Variants in AIG1 observed in about 807,000 individuals in gnomAD.
AIG1 encodes the protein androgen-induced gene 1 protein.
AIG1 carries 23 observed loss-of-function variants against 31.4 expected under a neutral mutation model. The ratio of observed to expected loss-of-function variants is 0.73; its 90% CI spans 0.53 to 1.04. The LOEUF (loss-of-function observed/expected upper bound fraction) is 1.04. Ranked by LOEUF, AIG1 falls within the 50% of genes least tolerant of loss-of-function variation. The pLI is 0.00. For synonymous variants in AIG1, 100 were observed against 110.5 expected, an observed-to-expected ratio of 0.90 and a Z score of 0.60; for missense variants, 274 against 295.0, an observed-to-expected ratio of 0.93 and a Z score of 0.52.
intron 4 of AIG1, among the ~76,000 whole-genome samples, chr6:143,304,167 A>G (rs1336197012): frequency 2.0e-5 from 3 of 151,868 alleles, no homozygotes; most frequent in African/African-American, 4.8e-5. Context: ...CATGTCATCT[A>G]CAAACAGGGA....
Position 143,230,779 on chromosome 6 carries a change from C to G in AIG1, c.400-53331C>G, listed in dbSNP as rs79352232. Among the ~76,000 whole-genome samples, 644 of 152,130 alleles carry G rather than the reference C, an allele frequency of 4.2e-3. 16 individuals are homozygous for G. Among genetic ancestry groups the G allele is most frequent in the East Asian group, 0.022 (114 of 5,178 alleles). Reference sequence around the variant, plus strand: ...TAAGTTGTTCTTAGATATAGGAAAGCTCACGAAGACAGTAAGAGAATAACT... The same window carrying G: ...TAAGTTGTTCTTAGATATAGGAAAGGTCACGAAGACAGTAAGAGAATAACT... On this transcript the variant is annotated intron_variant, in intron 3 of 5. Transcript: ENST00000357847.
At chr6:143,332,744 G>C (rs1445088877) in intron 4 of AIG1, among the ~76,000 whole-genome samples, 2 of 152,180 alleles carry the variant, frequency 1.3e-5, no homozygotes, top group African/African-American at 2.4e-5. Flanking sequence ...TGTTAATAAA[G>C]TCAGCCATTT....
At chr6:143,219,763 T>G (rs1792325263) in intron 3 of AIG1, among the ~76,000 whole-genome samples, 1 of 152,030 alleles carries the variant, frequency 6.6e-6, no homozygotes, top group African/African-American at 2.4e-5. Context: ...TACTCTCCCA[T>G]GGTTAAAATA....
chr6:143,071,308 C>T (rs1308780983), intron 1 of AIG1, among the ~76,000 whole-genome samples: 1 of 152,184 alleles, frequency 6.6e-6, no homozygotes, highest in Non-Finnish European at 1.5e-5. Context: ...ACATAGTATG[C>T]ATACACCACA....
In AIG1 at chr6:143,331,727, C is replaced by G. The variant is rs1370712121; in HGVS notation, c.516-1555C>G. 6.6e-6 allele frequency among the ~76,000 whole-genome samples: 1 copy of G among 151,786 alleles called. No homozygotes were observed. The highest frequency in any genetic ancestry group is 2.1e-4 in the South Asian group (1 of 4,816). ...AAGTGCAAAATTGTTTTACCACCAA[C>G]CCCAGAATGAATTTTCGCCTGCAAG... is the stretch of plus-strand genomic sequence containing the variant. On this transcript the variant is annotated intron_variant, in intron 4 of 5. Transcript: ENST00000357847. This position sits in a 1 kb window ranked among gnomAD's most constrained non-coding sequence, Gnocchi z 4.1.
intron 3 of AIG1, among the ~76,000 whole-genome samples, chr6:143,215,036 G>A (rs1176025298): frequency 6.6e-6 from 1 of 152,082 alleles, no homozygotes; most frequent in Non-Finnish European, 1.5e-5. Context: ...ACTTCTTGGG[G>A]GCAGAGATTG....
At chr6:143,139,021 T>A (rs1336503740) in intron 2 of AIG1, among the ~76,000 whole-genome samples, 2 of 152,194 alleles carry the variant, frequency 1.3e-5, no homozygotes, top group African/African-American at 4.8e-5. Context: ...ATTTTGCTAC[T>A]CTCCTCAAAA....
At chr6:143,082,362 C>T (rs1307232061) in intron 1 of AIG1, among the ~76,000 whole-genome samples, 2 of 152,128 alleles carry the variant, frequency 1.3e-5, no homozygotes. Flanking sequence ...TCTAAAAGGT[C>T]CCCTTGAGCG....
intron 3 of AIG1, among the ~76,000 whole-genome samples, chr6:143,202,845 C>A (rs1169469070): frequency 2.0e-5 from 3 of 152,138 alleles, no homozygotes; most frequent in Admixed American, 1.3e-4. Context: ...GCGGAGGTGT[C>A]CCAGCAACAT....
intron 3 of AIG1, among the ~76,000 whole-genome samples, chr6:143,205,550 A>G (rs1791046143): frequency 6.6e-6 from 1 of 152,204 alleles, no homozygotes. Flanking sequence ...CCATAAATAC[A>G]TTACCTTTGC....
At chr6:143,315,029 T>A (rs768165933) in intron 4 of AIG1, among the ~76,000 whole-genome samples, 42 of 152,224 alleles carry the variant, frequency 2.8e-4, no homozygotes, top group Non-Finnish European at 5.0e-4. Context: ...AATGCTACAT[T>A]TTCTAGAATT....
chr6:143,116,344 G>A (rs6900049), intron 1 of AIG1, among the ~76,000 whole-genome samples: 18,589 of 152,076 alleles, frequency 0.12, 1,918 homozygotes, highest in East Asian at 0.43. Context: ...GGGTTGGGCA[G>A]GGAAGGCCCT....
intron 3 of AIG1, among the ~76,000 whole-genome samples, chr6:143,210,036 T>C (rs1306377967): frequency 6.6e-6 from 1 of 152,142 alleles, no homozygotes; most frequent in African/African-American, 2.4e-5. Context: ...TCCCCACGTG[T>C]CATGGGAGGG....
At chr6:143,342,214 C>T (rs1777871335), downstream of AIG1, 3 of 663,270 alleles carry the variant, frequency 4.5e-6, no homozygotes, top group African/African-American at 1.8e-5. Context: ...TGAGCCATTG[C>T]GCCCGTCCTA....
In AIG1 at chr6:143,212,243, A is replaced by G. The variant is rs564761908; in HGVS notation, c.399+47060A>G. 4.6e-5 allele frequency among the ~76,000 whole-genome samples: 7 copies of G among 152,304 alleles called. No homozygotes were observed. The East Asian group carries it at 1.2e-3, about 25-fold the overall frequency. On this transcript the variant is annotated intron_variant, in intron 3 of 5. Coordinates refer to ENST00000357847, the MANE Select transcript of AIG1 (RefSeq NM_016108.4). ...CAATTCAAATTCCACCTATTCTTGA[A>G]GACCAGTTTTAATTGCCTCATGCTT...
intron 1 of AIG1, among the ~76,000 whole-genome samples, chr6:143,130,463 TC>T (rs904418889): frequency 1.3e-5 from 2 of 151,702 alleles, no homozygotes; most frequent in Non-Finnish European, 2.9e-5. Context: ...ACACCTGCAA[TC>T]CCAGCACTTT....
At chr6:143,085,865 G>A (rs139103596) in intron 1 of AIG1, among the ~76,000 whole-genome samples, 1,925 of 152,240 alleles carry the variant, frequency 0.013, 19 homozygotes, top group Middle Eastern at 0.044. Context: ...AGGTCTGGTC[G>A]GACCTTTGTA....
chr6:143,271,290 T>C (rs1438331116), intron 3 of AIG1, among the ~76,000 whole-genome samples: 1 of 152,212 alleles, frequency 6.6e-6, no homozygotes, highest in Admixed American at 6.5e-5. Context: ...AGATGATTCG[T>C]TTCTGAAATA....
At chr6:143,263,340 C>G (rs1795939286) in intron 3 of AIG1, among the ~76,000 whole-genome samples, 1 of 147,460 alleles carries the variant, frequency 6.8e-6, no homozygotes, top group Non-Finnish European at 1.5e-5. Context: ...TCTCTTATTT[C>G]TGATGTCAGG....
Sources: gnomAD v4.1 joint callset for allele counts (sites outside exome capture counted in the v4.1 genomes callset) on GRCh38, gnomAD v4.1.1 for gene constraint, Gnocchi (gnomAD v3.1) non-coding constraint, MANE v1.5 for transcripts, NCBI Gene and HGNC (gene_info 2026-07-23, HGNC 2026-07-21) for gene names.